TSC22D1: variants seen among roughly 807,000 people sequenced by gnomAD.
TSC22D1 encodes TSC22 domain family protein 1.
A neutral mutation model predicts 74.2 loss-of-function variants in TSC22D1; 9 were observed. The observed-to-expected ratio is 0.12, with a 90% CI of 0.07 to 0.21. The LOEUF (loss-of-function observed/expected upper bound fraction) is 0.21. TSC22D1 is among the 10% of genes least tolerant of loss of function. The pLI is 1.00. For missense variants in TSC22D1, 1,427 were observed against 1,304.7 expected (o/e 1.09, Z -1.44); for synonymous variants, 586 against 492.5 (o/e 1.19, Z -2.51).
chr13:44,511,616 A>G (rs1214301898), intron 1 of TSC22D1, among the ~76,000 whole-genome samples: 1 of 103,156 alleles, frequency 9.7e-6, no homozygotes, highest in Non-Finnish European at 2.1e-5. Context: ...GAATAAAAAG[A>G]AATACACACA....
intron 1 of TSC22D1, among the ~76,000 whole-genome samples, chr13:44,456,758 T>C (rs558729639): frequency 1.3e-5 from 2 of 152,002 alleles, no homozygotes; most frequent in Admixed American, 6.6e-5. Flanking sequence ...AACTGAAAAA[T>C]TGATATGAGA....
intron 2 of TSC22D1, chr13:44,435,697 C>T (rs1443373512): frequency 6.2e-6 from 2 of 322,976 alleles, no homozygotes; most frequent in Non-Finnish European, 1.2e-5. Context: ...TATTAGGATT[C>T]CTAGTAAAGC....
chr13:44,538,288 T>C (rs1881267122), intron 1 of TSC22D1: 4 of 985,212 alleles, frequency 4.1e-6, no homozygotes, highest in Non-Finnish European at 4.8e-6. Context: ...AGAAACTTTG[T>C]TGATTTGACA....
At chr13:44,487,447 C>T (rs1403172252) in intron 1 of TSC22D1, among the ~76,000 whole-genome samples, 33 of 139,576 alleles carry the variant, frequency 2.4e-4, no homozygotes, top group Middle Eastern at 7.1e-3. Context: ...TGCAGTGAGC[C>T]GCGATCGTGC....
chr13:44,503,517 T>C (rs1023682246), intron 1 of TSC22D1, among the ~76,000 whole-genome samples: 3 of 152,214 alleles, frequency 2.0e-5, no homozygotes, highest in Admixed American at 2.0e-4. Flanking sequence ...TTCATATTGT[T>C]GCCATTGCTA....
chr13:44,517,464 A>G (rs1261446731), intron 1 of TSC22D1, among the ~76,000 whole-genome samples: 2 of 152,102 alleles, frequency 1.3e-5, no homozygotes, highest in Admixed American at 6.6e-5. Flanking sequence ...TTGGCAAGAC[A>G]TATCAATAAC....
chr13:44,549,742 G>A (rs1178878040), intron 1 of TSC22D1, among the ~76,000 whole-genome samples: 1 of 150,382 alleles, frequency 6.6e-6, no homozygotes, highest in Admixed American at 6.6e-5. Context: ...ATTCCAGCCT[G>A]GGGAACAGGG....
chr13:44,493,088 A>G (rs920375540), intron 1 of TSC22D1, among the ~76,000 whole-genome samples: 33 of 152,210 alleles, frequency 2.2e-4, no homozygotes, highest in African/African-American at 7.7e-4. Flanking sequence ...AAATGAGAAG[A>G]AACTATCAGA....
chr13:44,569,978 A>T (rs1290145156), intron 1 of TSC22D1, among the ~76,000 whole-genome samples: 1 of 152,210 alleles, frequency 6.6e-6, no homozygotes, highest in African/African-American at 2.4e-5. Context: ...AATATTAAAA[A>T]GTGCTAAGGA....
chr13:44,436,186 T>C, intron 1 of TSC22D1, 91 bp from the exon 2 acceptor site: 1 of 1,371,848 alleles, frequency 7.3e-7, no homozygotes, highest in South Asian at 1.3e-5. Context: ...GTGATATTGC[T>C]AGCATCATAT....
intron 1 of TSC22D1, among the ~76,000 whole-genome samples, chr13:44,444,278 C>CAAAAAAAAAAAAAAAAAAAAAAAAAAAA (rs71070905): frequency 5.7e-5 from 1 of 17,582 alleles, no homozygotes; most frequent in African/African-American, 2.4e-4. Flanking sequence ...GACTCTGTCT[C>CAAAAAAAAAAAAAAAAAAAAAAAAAAAA]AAAAAAAAAA....
At chr13:44,477,447 A>T (rs771191765) in intron 1 of TSC22D1, among the ~76,000 whole-genome samples, 9 of 152,100 alleles carry the variant, frequency 5.9e-5, no homozygotes, top group Non-Finnish European at 1.3e-4. Context: ...TTATTTATAT[A>T]TAATAATGGC....
intron 1 of TSC22D1, among the ~76,000 whole-genome samples, chr13:44,554,630 C>CAAAAAAAAAAAA (rs59922380): frequency 1.9e-4 from 13 of 68,580 alleles, no homozygotes; most frequent in African/African-American, 4.7e-4. Flanking sequence ...ATACCAGGAA[C>CAAAAAAAAAAAA]AAAAAAAAAA....
chr13:44,540,034 C>T (rs1305649726), intron 1 of TSC22D1: 4 of 774,784 alleles, frequency 5.2e-6, no homozygotes, highest in Non-Finnish European at 7.4e-6. Context: ...AAGGAGCTAC[C>T]TTTGGGCATA....
intron 1 of TSC22D1, among the ~76,000 whole-genome samples, chr13:44,491,325 G>C (rs992837922): frequency 6.6e-6 from 1 of 152,134 alleles, no homozygotes; most frequent in Non-Finnish European, 1.5e-5. Flanking sequence ...AGGCCAAGGC[G>C]GGTGGATCAC....
chr13:44,541,276 T>C (rs1881452296), intron 1 of TSC22D1, among the ~76,000 whole-genome samples: 8 of 152,196 alleles, frequency 5.3e-5, no homozygotes, highest in Admixed American at 5.2e-4. Flanking sequence ...GTTATTCCAT[T>C]ACCTAACAAC....
chr13:44,437,043 G>T (rs1036931966), intron 1 of TSC22D1: 13 of 979,398 alleles, frequency 1.3e-5, no homozygotes, highest in Admixed American at 6.1e-5. Flanking sequence ...GGCCTGGCGC[G>T]GGCCGTGCTC....
At chr13:44,471,151 C>T (rs1015351115) in intron 1 of TSC22D1, among the ~76,000 whole-genome samples, 1 of 152,132 alleles carries the variant, frequency 6.6e-6, no homozygotes, top group Non-Finnish European at 1.5e-5. Flanking sequence ...AAATACAATC[C>T]TGCCACCTTG....
chr13:44,445,086 A>G (rs542142272), intron 1 of TSC22D1, among the ~76,000 whole-genome samples: 240 of 152,214 alleles, frequency 1.6e-3, no homozygotes, highest in Non-Finnish European at 2.2e-3. Flanking sequence ...AGCATTCCCT[A>G]AACACTAAAG....
Sources: allele counts gnomAD v4.1 joint callset (sites outside exome capture counted in the v4.1 genomes callset), GRCh38; gene constraint gnomAD v4.1.1; transcripts MANE v1.5; gene names NCBI Gene and HGNC (gene_info 2026-07-23, HGNC 2026-07-21).